Variants in RPE65 observed in about 807,000 individuals in gnomAD.
RPE65 encodes retinoid isomerohydrolase RPE65.
A neutral mutation model predicts 68.5 loss-of-function variants in RPE65; 58 were observed. The observed-to-expected ratio is 0.85, with a 90% CI of 0.69 to 1.05. The LOEUF is 1.05. Among genes scored for constraint, RPE65 ranks in the 50% least tolerant of loss-of-function variants. The pLI is 0.00. For missense variants in RPE65, 643 were observed against 629.9 expected (o/e 1.02, Z -0.22); for synonymous variants, 220 against 222.2 (o/e 0.99, Z 0.09).
At chr1:68,430,870 C>T (rs1400509606) in intron 13 of RPE65, among the ~76,000 whole-genome samples, 195 bp downstream of exon 13, 1 of 152,062 alleles carries the variant, frequency 6.6e-6, no homozygotes, top group Non-Finnish European at 1.5e-5. Flanking sequence ...TTTTTTTCTA[C>T]TGGTAATCAA....
At chr1:68,435,618 T>C (rs1293390189) in intron 10 of RPE65, among the ~76,000 whole-genome samples, 1 of 152,222 alleles carries the variant, frequency 6.6e-6, no homozygotes, top group African/African-American at 2.4e-5. Context: ...TAGCCAATTC[T>C]CTCTGCGTAT....
chr1:68,442,573 A>G (rs1645910823), intron 5 of RPE65, among the ~76,000 whole-genome samples: 1 of 152,214 alleles, frequency 6.6e-6, no homozygotes, highest in Non-Finnish European at 1.5e-5. Flanking sequence ...ATCAGGCTGG[A>G]GGCAAAGGCA....
chr1:68,434,050 G>A (rs1645843969), intron 10 of RPE65, among the ~76,000 whole-genome samples: 1 of 148,878 alleles, frequency 6.7e-6, no homozygotes, highest in Non-Finnish European at 1.5e-5. Context: ...GATTATGGAA[G>A]GAGTATAGTC....
At chr1:68,443,800 A>T (rs1031160223) in intron 5 of RPE65, among the ~76,000 whole-genome samples, 5 of 152,214 alleles carry the variant, frequency 3.3e-5, no homozygotes, top group African/African-American at 1.2e-4. Flanking sequence ...GGTGTATCTT[A>T]GTAAATATTG....
Position 68,446,794 on chromosome 1 carries a change from G to C in RPE65, c.161C>G (p.Ser54Cys), listed in dbSNP as rs1268808384. The C allele has an allele frequency of 3.1e-6, 5 of 1,614,186 alleles. No individual in the cohort carries two copies. Among genetic ancestry groups the C allele is most frequent in the Middle Eastern group, 1.7e-4 (1 of 6,022 alleles). ...RCGPGLFEVG[S>C]EPFYHLFDGQ... The stretch of plus-strand genomic sequence containing the variant: ...ATCAAACAGGTGGTAAAATGGCTCA[G>C]ATCCAACTTCAAAGAGTCCTGGCCC... The change falls in exon 3 of 14, where the codon TCT becomes TGT. Residue 54 changes from serine to cysteine, a missense_variant. Ser to Cys is a moderately radical substitution (Grantham distance 112). Coordinates refer to ENST00000262340, the MANE Select transcript of RPE65 (RefSeq NM_000329.3).
intron 10 of RPE65, among the ~76,000 whole-genome samples, chr1:68,437,273 C>A (rs1024264056): frequency 2.0e-5 from 3 of 152,200 alleles, no homozygotes; most frequent in African/African-American, 7.2e-5. Flanking sequence ...ATAAACCAAA[C>A]TCAGCAACTA....
chr1:68,433,733 A>C (rs1261952745), intron 10 of RPE65, among the ~76,000 whole-genome samples: 1 of 152,150 alleles, frequency 6.6e-6, no homozygotes, highest in Non-Finnish European at 1.5e-5. Flanking sequence ...TGTTGTCTGC[A>C]CTTAGTTCAG....
rs1179031434 is a variant in RPE65, at chr1:68,429,148, C to T, written c.*628G>A. The T allele has an allele frequency of 2.0e-5, 3 of 152,052 alleles. No individual in the cohort carries two copies. The highest frequency in any genetic ancestry group is 2.9e-5 in the Non-Finnish European group (2 of 68,160). The allele number at this position is 152,052 out of a possible 1,614,324, so 9.4% of individuals were successfully genotyped here. ...TCTGAGATGTTATTTGGTTGAGAGGCCTCAGTTGATTAAACACAGATTTTC... is the reference window on the plus strand; with the variant it reads ...TCTGAGATGTTATTTGGTTGAGAGGTCTCAGTTGATTAAACACAGATTTTC... On this transcript the variant is annotated 3_prime_UTR_variant, in exon 14 of 14. Transcript: ENST00000262340.
At chr1:68,438,053 A>T in intron 10 of RPE65, 134 bp downstream of exon 10, 2 of 1,084,190 alleles carry the variant, frequency 1.8e-6, no homozygotes, top group Non-Finnish European at 2.7e-6. Context: ...AAGGAAGTTT[A>T]ATTAGCCTAT....
chr1:68,439,474 T>A, intron 7 of RPE65, 87 bp downstream of exon 7: 1 of 1,563,718 alleles, frequency 6.4e-7, no homozygotes. Flanking sequence ...CAAAAAAATA[T>A]TGTGATCAGG....
At chr1:68,438,354 G>C (rs1371282665) in intron 9 of RPE65, 38 bp from the exon 10 acceptor site, 7 of 1,605,438 alleles carry the variant, frequency 4.4e-6, no homozygotes, top group Non-Finnish European at 5.9e-6. Flanking sequence ...CACAGGCAAT[G>C]ACAAATAATT....
In RPE65 at chr1:68,429,498, T is replaced by C. The variant is rs1645804984; in HGVS notation, c.*278A>G. Reference sequence around the variant, plus strand: ...TAGGAATTAAAAGCCATTTAGTAAGTCCACATTCATTTCCTATTTGATTGC... The same window carrying C: ...TAGGAATTAAAAGCCATTTAGTAAGCCCACATTCATTTCCTATTTGATTGC... On this transcript the variant is annotated 3_prime_UTR_variant, in exon 14 of 14. Coordinates refer to ENST00000262340, the MANE Select transcript of RPE65 (RefSeq NM_000329.3). 2 of 426,102 alleles carry C rather than the reference T, an allele frequency of 4.7e-6. No individual in the cohort carries two copies. Among genetic ancestry groups the C allele is most frequent in the Non-Finnish European group, 8.7e-6 (2 of 231,112 alleles). The allele number at this position is 426,102 out of a possible 1,614,324, so 26.4% of individuals were successfully genotyped here.
chr1:68,439,298 C>A lies in RPE65; in HGVS notation c.751G>T (p.Val251Phe). 1 of 1,613,754 alleles carries A rather than the reference C, an allele frequency of 6.2e-7. No homozygotes were observed. The highest frequency in any genetic ancestry group is 1.1e-5 in the South Asian group (1 of 91,050). ...HSFGLTPNYI[V>F]FVETPVKINL... ...ATTTTGACTGGTGTCTCCACAAAAA[C>A]GATATAGTTGGGAGTCAGACCAAAA... Residue 251 changes from valine to phenylalanine, a missense_variant, in exon 8 of 14, where the codon GTT becomes TTT. Val to Phe is a conservative substitution (Grantham distance 50). Transcript: ENST00000262340.
At chr1:68,447,673 C>T (rs1645952163) in intron 2 of RPE65, among the ~76,000 whole-genome samples, 1 of 152,024 alleles carries the variant, frequency 6.6e-6, no homozygotes, top group African/African-American at 2.4e-5. Flanking sequence ...CACGGCGAAA[C>T]CCCGTCTCTA....
At chr1:68,436,582 C>T (rs1645864717) in intron 10 of RPE65, among the ~76,000 whole-genome samples, 1 of 151,974 alleles carries the variant, frequency 6.6e-6, no homozygotes, top group Admixed American at 6.6e-5. Flanking sequence ...GATTCTCTTG[C>T]TTCAGCCTCC....
chr1:68,436,369 T>G (rs1173549895), intron 10 of RPE65, among the ~76,000 whole-genome samples: 2 of 152,150 alleles, frequency 1.3e-5, no homozygotes, highest in Non-Finnish European at 2.9e-5. Context: ...TTGCTAAGAT[T>G]GCTAGTGGGT....
chr1:68,432,419 G>A (rs575318367), intron 10 of RPE65, among the ~76,000 whole-genome samples: 6 of 152,184 alleles, frequency 3.9e-5, no homozygotes, highest in Non-Finnish European at 7.4e-5. Context: ...AGATGGTTCG[G>A]GTAGGTCTCT....
Position 68,438,273 on chromosome 1 carries a change from C to T in RPE65, c.1042G>A (p.Glu348Lys), listed in dbSNP as rs1465926622. The T allele has an allele frequency of 6.2e-7, 1 of 1,613,688 alleles. No individual in the cohort carries two copies. The highest frequency in any genetic ancestry group is 1.3e-5 in the African/African-American group (1 of 74,964). ...YNYLYLANLRENWEEVKKNAR... is the reference protein window; with the variant it reads ...YNYLYLANLRKNWEEVKKNAR... Reference sequence around the variant, plus strand: ...TTTTTTTTCACCTCTTCCCAGTTCTCACGTAAATTGGCTAAATATAAGTAA... The same window carrying T: ...TTTTTTTTCACCTCTTCCCAGTTCTTACGTAAATTGGCTAAATATAAGTAA... Residue 348 changes from glutamate (E) to lysine (K), a missense_variant, in exon 10 of 14, where the codon GAG (glutamate) becomes AAG (lysine). Coordinates refer to ENST00000262340, the MANE Select transcript of RPE65 (RefSeq NM_000329.3).
intron 1 of RPE65, among the ~76,000 whole-genome samples, chr1:68,449,169 G>A (rs1364467835): frequency 1.3e-5 from 2 of 152,032 alleles, no homozygotes; most frequent in Non-Finnish European, 2.9e-5. Context: ...CTTGCCTCAA[G>A]GAGAGACCCA....
Sources: gnomAD v4.1 joint callset for allele counts (sites outside exome capture counted in the v4.1 genomes callset) on GRCh38, gnomAD v4.1.1 for gene constraint, MANE v1.5 for transcripts, NCBI Gene and HGNC (gene_info 2026-07-23, HGNC 2026-07-21) for gene names.